The following PHLDB2 variants were observed in gnomAD, a reference collection of about 807,000 sequenced individuals.
PHLDB2 encodes pleckstrin homology like domain family B member 2, also known as pleckstrin homology-like domain family B member 2.
In PHLDB2, 71 loss-of-function variants were observed where a neutral mutation model predicts 123.6. That is an observed-to-expected ratio of 0.57 (90% CI 0.47 to 0.70). The LOEUF is 0.70. PHLDB2 is among the 30% of genes least tolerant of loss of function. The pLI is 0.00. For missense variants in PHLDB2, 1,446 were observed against 1,519.5 expected (o/e 0.95, Z 0.80); for synonymous variants, 547 against 541.6 (o/e 1.01, Z -0.14).
intron 5 of PHLDB2, among the ~76,000 whole-genome samples, chr3:111,923,242 G>T (rs189242466): frequency 3.3e-5 from 5 of 152,294 alleles, no homozygotes; most frequent in Non-Finnish European, 5.9e-5. Flanking sequence ...TGCCCAGCCT[G>T]CTGGGTGCTT....
intron 2 of PHLDB2, among the ~76,000 whole-genome samples, chr3:111,902,261 C>A (rs2067245915): frequency 6.6e-6 from 1 of 152,094 alleles, no homozygotes; most frequent in African/African-American, 2.4e-5. Flanking sequence ...TTAATTAAAT[C>A]AAGTTATATT....
intron 1 of PHLDB2, among the ~76,000 whole-genome samples, chr3:111,772,146 A>T (rs2060189801): frequency 6.6e-6 from 1 of 152,112 alleles, no homozygotes; most frequent in African/African-American, 2.4e-5. Flanking sequence ...TTGAACTGTG[A>T]ACTTTCATTC....
chr3:111,789,485 T>G (rs7614433), intron 1 of PHLDB2, among the ~76,000 whole-genome samples: 32,789 of 152,116 alleles, frequency 0.22, 3,867 homozygotes, highest in African/African-American at 0.3. Context: ...GAAGAAAGAT[T>G]TAACTGCTCT....
At chr3:111,883,840 G>A in intron 1 of PHLDB2, 3 of 478,444 alleles carry the variant, frequency 6.3e-6, no homozygotes, top group Non-Finnish European at 1.1e-5. Flanking sequence ...TGTCATTGCT[G>A]TCCTTTTATT....
chr3:111,917,095 TCACCC>T (rs2068225419), intron 3 of PHLDB2: 1 of 152,224 alleles, frequency 6.6e-6, no homozygotes, highest in Admixed American at 6.5e-5. Context: ...TACATTGTCC[TCACCC>T]CATTCTATCA....
At chr3:111,788,260 T>C (rs1270946358) in intron 1 of PHLDB2, among the ~76,000 whole-genome samples, 3 of 152,234 alleles carry the variant, frequency 2.0e-5, no homozygotes, top group South Asian at 2.1e-4. Context: ...ATAGATGTCA[T>C]GTTGTTTCCT....
intron 1 of PHLDB2, among the ~76,000 whole-genome samples, chr3:111,841,291 A>G (rs2063681063): frequency 6.6e-6 from 1 of 152,048 alleles, no homozygotes; most frequent in South Asian, 2.1e-4. Context: ...TTTAGTAGAG[A>G]AGGGGTTTGA....
At chr3:111,769,526 T>C (rs185269849) in intron 1 of PHLDB2, among the ~76,000 whole-genome samples, 1 of 152,346 alleles carries the variant, frequency 6.6e-6, no homozygotes, top group African/African-American at 2.4e-5. Flanking sequence ...CAGGTGTTTG[T>C]TGGAGTCTGA....
In PHLDB2 at chr3:111,766,133, A is replaced by G. The variant is rs35893656; in HGVS notation, c.-49+33430A>G. The stretch of plus-strand genomic sequence containing the variant: ...AGTAATTTTTAAATACCTTTTTTCA[A>G]GAACCTTCTTAAGAATCTGATTAAA... On this transcript the variant is annotated intron_variant, in intron 1 of 17. Coordinates refer to the PHLDB2 transcript ENST00000393923. 5.7e-3 allele frequency among the ~76,000 whole-genome samples: 875 copies of G among 152,272 alleles called. 5 individuals are homozygous for G. Among genetic ancestry groups the G allele is most frequent in the Non-Finnish European group, 9.7e-3 (657 of 68,022 alleles).
chr3:111,847,776 A>G (rs562947793), intron 2 of PHLDB2, among the ~76,000 whole-genome samples: 4 of 152,290 alleles, frequency 2.6e-5, no homozygotes, highest in African/African-American at 9.6e-5. Context: ...AAGTGGGGAA[A>G]TACCAGGTAG....
At chr3:111,876,102 G>A (rs978625845) in intron 1 of PHLDB2, among the ~76,000 whole-genome samples, 4 of 152,106 alleles carry the variant, frequency 2.6e-5, no homozygotes, top group African/African-American at 9.7e-5. Flanking sequence ...ATATTGAGGA[G>A]GCAAGAGCAG....
intron 1 of PHLDB2, among the ~76,000 whole-genome samples, chr3:111,783,205 G>C (rs1031220013): frequency 3.3e-5 from 5 of 152,082 alleles, no homozygotes; most frequent in Admixed American, 2.6e-4. Context: ...TTCAGAGAGA[G>C]ATTTCTAGAG....
At chr3:111,916,680 CCT>C (rs1488364863) in intron 3 of PHLDB2, 1 of 152,124 alleles carries the variant, frequency 6.6e-6, no homozygotes, top group East Asian at 1.9e-4. Flanking sequence ...TGAACCACCC[CCT>C]GAGGTAAAAG....
At chr3:111,959,915 T>C (rs1053581552) in intron 12 of PHLDB2, among the ~76,000 whole-genome samples, 2 of 152,238 alleles carry the variant, frequency 1.3e-5, no homozygotes, top group African/African-American at 4.8e-5. Context: ...ATGTCACTCA[T>C]TGCCAGAGAG....
Position 111,969,815 on chromosome 3 carries a change from A to G in PHLDB2, c.3441A>G (p.Arg1147=), listed in dbSNP as rs776881877. 2 of 1,613,972 alleles carry G rather than the reference A, an allele frequency of 1.2e-6. No homozygotes were observed. The highest frequency in any genetic ancestry group is 2.7e-5 in the African/African-American group (2 of 74,928). ...TATCAATCACAGAGAAGACCTGCCGAGGATTCCTCATCAAAATGGGTGGGA... is the reference window on the plus strand; with the variant it reads ...TATCAATCACAGAGAAGACCTGCCGGGGATTCCTCATCAAAATGGGTGGGA... ...YHVSITEKTC[R]GFLIKMGGKI... is the part of the protein sequence containing the mutation. The change falls in exon 16 of 18, where the codon CGA becomes CGG. Residue 1147 remains arginine, a synonymous_variant. Coordinates refer to ENST00000431670, the MANE Select transcript of PHLDB2 (RefSeq NM_001134438.2).
At chr3:111,824,498 G>A (rs975605488) in intron 1 of PHLDB2, among the ~76,000 whole-genome samples, 2 of 152,130 alleles carry the variant, frequency 1.3e-5, no homozygotes, top group African/African-American at 4.8e-5. Context: ...TGGAGTGAAC[G>A]TGTGACCCAA....
In PHLDB2 at chr3:111,920,308, T is replaced by A. The variant is rs2068426833; in HGVS notation, c.1890T>A (p.Asp630Glu). 6.2e-7 allele frequency: 1 copy of A among 1,613,916 alleles called. No homozygotes were observed. Among genetic ancestry groups the A allele is most frequent in the South Asian group, 1.1e-5 (1 of 91,014 alleles). The change falls in exon 5 of 18, where the codon GAT (aspartate) becomes GAA (glutamate). Residue 630 changes from aspartate to glutamate, a missense_variant. Around this residue, in one of 3 missense-constraint regions of PHLDB2, gnomAD observed 832 missense variants for 831.9 expected, o/e 1.00. Transcript: ENST00000431670. ...TGGATATGGAATGTGCTCTTTTGGATGGAGAACAGAAATCTGAAACAACTG... is the reference window on the plus strand; with the variant it reads ...TGGATATGGAATGTGCTCTTTTGGAAGGAGAACAGAAATCTGAAACAACTG... ...RELDMECALL[D>E]GEQKSETTEL...
At chr3:111,880,667 T>A (rs1321735176) in intron 1 of PHLDB2, among the ~76,000 whole-genome samples, 1 of 121,924 alleles carries the variant, frequency 8.2e-6, no homozygotes, top group East Asian at 2.5e-4. Flanking sequence ...TACTAGTGAA[T>A]GTCCTTTGTG....
intron 3 of PHLDB2, chr3:111,915,214 C>A (rs1322206039): frequency 6.6e-6 from 1 of 152,152 alleles, no homozygotes; most frequent in Non-Finnish European, 1.5e-5. Flanking sequence ...CACATTGACT[C>A]TTTAAGAGGA....
Sources: allele counts gnomAD v4.1 joint callset (sites outside exome capture counted in the v4.1 genomes callset), GRCh38; gene constraint gnomAD v4.1.1; regional missense constraint gnomAD v4.1.1; transcripts MANE v1.5; gene names NCBI Gene and HGNC (gene_info 2026-07-23, HGNC 2026-07-21).